The following SLC67A2 variants were observed in gnomAD, a reference collection of about 807,000 sequenced individuals.
SLC67A2 encodes solute carrier family 67 member 2.
the SLC67A2 span, among the ~76,000 whole-genome samples, chr2:102,734,662 A>G: frequency 6.6e-6 from 1 of 152,184 alleles, no homozygotes; most frequent in Non-Finnish European, 1.5e-5. Context: ...AATATTTTCC[A>G]TTAAAAAAAT....
chr2:102,726,743 A>C, the SLC67A2 span: 1 of 1,475,550 alleles, frequency 6.8e-7, no homozygotes, highest in African/African-American at 1.4e-5. Flanking sequence ...AAGGATGTTG[A>C]GCAAGACCAC....
chr2:102,732,289 G>A, the SLC67A2 span: 2 of 1,530,284 alleles, frequency 1.3e-6, no homozygotes, highest in Non-Finnish European at 9.0e-7. Context: ...TTAAAATTCA[G>A]TGCTCTAAAA....
chr2:102,736,526 T>C, the SLC67A2 span: 2 of 1,598,656 alleles, frequency 1.3e-6, no homozygotes, highest in African/African-American at 1.3e-5. Context: ...AGTGAGGCAC[T>C]CACCAGGCGG....
At chr2:102,728,891 C>T in the SLC67A2 span, among the ~76,000 whole-genome samples, 1 of 152,154 alleles carries the variant, frequency 6.6e-6, no homozygotes, top group Admixed American at 6.5e-5. Context: ...AGACCCATAA[C>T]CACCCTTTGA....
chr2:102,716,848 A>G, the SLC67A2 span: 10 of 152,252 alleles, frequency 6.6e-5, no homozygotes, highest in South Asian at 4.1e-4. Flanking sequence ...TGCAATCCCA[A>G]TGGTCATCCT....
the SLC67A2 span, among the ~76,000 whole-genome samples, chr2:102,720,862 T>C: frequency 3.9e-5 from 6 of 152,158 alleles, no homozygotes; most frequent in East Asian, 1.9e-4. Flanking sequence ...AAAACAGCTA[T>C]AGTCATTCAG....
chr2:102,718,309 C>T, the SLC67A2 span: 38 of 1,348,650 alleles, frequency 2.8e-5, no homozygotes, highest in Admixed American at 2.8e-4. Flanking sequence ...CACACCCACC[C>T]GGAAATATTT....
At chr2:102,729,869 G>A in the SLC67A2 span, among the ~76,000 whole-genome samples, 1 of 152,090 alleles carries the variant, frequency 6.6e-6, no homozygotes, top group African/African-American at 2.4e-5. Context: ...GGAAGTAGCT[G>A]TTTACTTATT....
chr2:102,736,836 C>T, the SLC67A2 span: 1 of 1,581,472 alleles, frequency 6.3e-7, no homozygotes, highest in South Asian at 1.1e-5. Flanking sequence ...GGGTCGGACG[C>T]AGCAGCAGCC....
the SLC67A2 span, among the ~76,000 whole-genome samples, chr2:102,726,442 T>G: frequency 6.6e-6 from 1 of 152,144 alleles, no homozygotes; most frequent in Non-Finnish European, 1.5e-5. Context: ...GACTCCAGGT[T>G]TGGTCAAGAT....
At chr2:102,734,044 T>C in the SLC67A2 span, among the ~76,000 whole-genome samples, 2 of 152,198 alleles carry the variant, frequency 1.3e-5, no homozygotes, top group East Asian at 1.9e-4. Context: ...TCTCAATCCA[T>C]AGCTTCTTCA....
At chr2:102,723,096 C>T in the SLC67A2 span, among the ~76,000 whole-genome samples, 7 of 152,302 alleles carry the variant, frequency 4.6e-5, no homozygotes, top group South Asian at 2.1e-4. Context: ...AAAACCACAA[C>T]GAAAAATCAC....
the SLC67A2 span, among the ~76,000 whole-genome samples, chr2:102,721,039 A>G: frequency 2.0e-5 from 3 of 152,102 alleles, no homozygotes; most frequent in Non-Finnish European, 4.4e-5. Flanking sequence ...CAAGTTTCTT[A>G]TGTTGGAAAA....
chr2:102,736,432 A>T, the SLC67A2 span: 1 of 1,341,114 alleles, frequency 7.5e-7, no homozygotes, highest in Non-Finnish European at 9.8e-7. Flanking sequence ...AACGGGGTGC[A>T]AGAGAAAGCG....
chr2:102,724,053 A>T, the SLC67A2 span: 1 of 673,176 alleles, frequency 1.5e-6, no homozygotes, highest in Non-Finnish European at 2.6e-6. Flanking sequence ...CTATACCACC[A>T]CGGCATCTGA....
At chr2:102,716,690 T>C in the SLC67A2 span, 1 of 152,236 alleles carries the variant, frequency 6.6e-6, no homozygotes, top group Non-Finnish European at 1.5e-5. Context: ...ATATGACAAA[T>C]TACTGTAGCA....
chr2:102,732,519 G>C, the SLC67A2 span: 1 of 864,558 alleles, frequency 1.2e-6, no homozygotes, highest in African/African-American at 1.7e-5. Flanking sequence ...TTTTAAACAC[G>C]TAAGAAATCA....
chr2:102,736,631 C>A, the SLC67A2 span: 8 of 1,613,938 alleles, frequency 5.0e-6, no homozygotes, highest in Non-Finnish European at 5.9e-6. Flanking sequence ...TCCCAGCCCC[C>A]ACGCTCGCAC....
chr2:102,718,898 A>G, the SLC67A2 span: 1 of 1,614,120 alleles, frequency 6.2e-7, no homozygotes, highest in South Asian at 1.1e-5. Context: ...CTTGGGCCGC[A>G]CCCCAAAGCG....
Sources: gnomAD v4.1 joint callset for allele counts (sites outside exome capture counted in the v4.1 genomes callset) on GRCh38, gnomAD v4.1.1 for gene constraint, MANE v1.5 for transcripts, NCBI Gene and HGNC (gene_info 2026-07-23, HGNC 2026-07-21) for gene names.